The following MSRA variants were observed in gnomAD, a reference collection of about 807,000 sequenced individuals.
MSRA encodes methionine sulfoxide reductase A, also known as mitochondrial peptide methionine sulfoxide reductase.
MSRA carries 54 observed loss-of-function variants against 31.3 expected under a neutral mutation model. The observed-to-expected ratio is 1.73, with a 90% CI of 1.39 to 2.17. The LOEUF is 2.17. MSRA is among the 30% of genes most tolerant of loss of function. The probability of loss-of-function intolerance (pLI) is 0.00; values close to 1 mark genes in which losing one functional copy is unlikely to be tolerated. For synonymous variants in MSRA, 169 were observed against 116.5 expected (o/e 1.45, Z -2.90); for missense variants, 507 against 300.9 (o/e 1.69, Z -5.07).
intron 5 of MSRA, among the ~76,000 whole-genome samples, chr8:10,365,754 C>T (rs1805125469): frequency 6.6e-6 from 1 of 152,216 alleles, no homozygotes; most frequent in African/African-American, 2.4e-5. Flanking sequence ...TTGTCTTTGC[C>T]TCCTCTCATC....
At chr8:10,248,585 G>C (rs1346155070) in intron 3 of MSRA, among the ~76,000 whole-genome samples, 2 of 152,208 alleles carry the variant, frequency 1.3e-5, no homozygotes, top group African/African-American at 4.8e-5. Flanking sequence ...GTGTGGATGT[G>C]AGTGTAGAAG....
intron 5 of MSRA, among the ~76,000 whole-genome samples, chr8:10,403,680 G>A (rs1463445507): frequency 1.3e-5 from 2 of 152,252 alleles, no homozygotes; most frequent in Admixed American, 6.5e-5. Context: ...TTGCACAACT[G>A]TGGGCTCTAC....
At chr8:10,129,241 A>C (rs1344570319) in intron 1 of MSRA, among the ~76,000 whole-genome samples, 1 of 152,122 alleles carries the variant, frequency 6.6e-6, no homozygotes, top group African/African-American at 2.4e-5. Flanking sequence ...GGTATTCTGC[A>C]TGACTATCAT....
intron 5 of MSRA, among the ~76,000 whole-genome samples, chr8:10,381,780 C>A (rs1233538749): frequency 6.6e-6 from 1 of 152,180 alleles, no homozygotes; most frequent in African/African-American, 2.4e-5. Context: ...GCTGATGAGA[C>A]CTTTGCTTCC....
At chr8:10,226,208 A>C (rs1478547790) in intron 2 of MSRA, among the ~76,000 whole-genome samples, 3 of 152,200 alleles carry the variant, frequency 2.0e-5, no homozygotes, top group Non-Finnish European at 4.4e-5. Context: ...AGTATCTCAA[A>C]CCAGCTGTCT....
At chr8:10,070,486 A>G (rs1385766519) in intron 1 of MSRA, among the ~76,000 whole-genome samples, 1 of 152,140 alleles carries the variant, frequency 6.6e-6, no homozygotes. Flanking sequence ...AAACTGTTGT[A>G]CTCTGTGGAT....
intron 4 of MSRA, among the ~76,000 whole-genome samples, chr8:10,318,757 G>C (rs1438900198): frequency 3.9e-5 from 6 of 152,150 alleles, no homozygotes; most frequent in Non-Finnish European, 8.8e-5. Context: ...AGTCTGTTGA[G>C]TTTCCAGTCA....
chr8:10,240,851 C>G (rs1812351872), intron 2 of MSRA, among the ~76,000 whole-genome samples: 1 of 152,120 alleles, frequency 6.6e-6, no homozygotes, highest in Non-Finnish European at 1.5e-5. Flanking sequence ...CCCCATCCCC[C>G]AAATCGGCCT....
At chr8:10,128,354 G>C (rs1801650206) in intron 1 of MSRA, among the ~76,000 whole-genome samples, 1 of 151,968 alleles carries the variant, frequency 6.6e-6, no homozygotes, top group Admixed American at 6.6e-5. Context: ...ACTCCAGCCT[G>C]GGCGACAAAA....
chr8:10,135,618 T>G (rs1403588384), intron 1 of MSRA, among the ~76,000 whole-genome samples: 1 of 152,208 alleles, frequency 6.6e-6, no homozygotes, highest in African/African-American at 2.4e-5. Context: ...GCATATAACA[T>G]GCACACCAGC....
intron 2 of MSRA, among the ~76,000 whole-genome samples, chr8:10,229,345 A>G (rs1263667468): frequency 6.6e-6 from 1 of 152,234 alleles, no homozygotes; most frequent in Non-Finnish European, 1.5e-5. Context: ...GGTGATAACC[A>G]AAGAGTTTTA....
intron 4 of MSRA, among the ~76,000 whole-genome samples, chr8:10,317,646 T>G (rs533876983): frequency 1.3e-5 from 2 of 152,220 alleles, no homozygotes; most frequent in Non-Finnish European, 2.9e-5. Context: ...CACAAGGTGT[T>G]GTTTCTGAGC....
intron 5 of MSRA, among the ~76,000 whole-genome samples, chr8:10,345,609 T>C (rs578145670): frequency 2.2e-4 from 34 of 152,338 alleles, no homozygotes; most frequent in African/African-American, 7.7e-4. Context: ...TTACAAATAA[T>C]AATTATGAAG....
intron 3 of MSRA, among the ~76,000 whole-genome samples, chr8:10,278,845 C>T (rs1799464938): frequency 6.6e-6 from 1 of 152,274 alleles, no homozygotes; most frequent in East Asian, 1.9e-4. Flanking sequence ...TCTACATTCC[C>T]GTCAGACTAA....
intron 3 of MSRA, among the ~76,000 whole-genome samples, chr8:10,289,162 C>T (rs1300624294): frequency 1.3e-5 from 2 of 151,964 alleles, no homozygotes; most frequent in African/African-American, 2.4e-5. Flanking sequence ...TTTACAGGTG[C>T]CCGCCACCAT....
chr8:10,421,329 G>T (rs990400658), intron 5 of MSRA, among the ~76,000 whole-genome samples: 2 of 152,164 alleles, frequency 1.3e-5, no homozygotes, highest in African/African-American at 4.8e-5. Flanking sequence ...GTCAATGGAA[G>T]GTTCACGTGA....
chr8:10,070,663 C>G (rs893531266), intron 1 of MSRA, among the ~76,000 whole-genome samples: 2 of 152,178 alleles, frequency 1.3e-5, no homozygotes, highest in Non-Finnish European at 2.9e-5. Flanking sequence ...TTCCTCACCC[C>G]CTGCCCATGT....
At chr8:10,235,376 A>G (rs575253346) in intron 2 of MSRA, among the ~76,000 whole-genome samples, 2 of 152,288 alleles carry the variant, frequency 1.3e-5, no homozygotes, top group East Asian at 1.9e-4. Flanking sequence ...AAAGTACTAC[A>G]TATCTATACG....
intron 1 of MSRA, among the ~76,000 whole-genome samples, chr8:10,118,993 G>C (rs923840710): frequency 6.6e-6 from 1 of 152,144 alleles, no homozygotes; most frequent in Non-Finnish European, 1.5e-5. Context: ...CGTTCATGAA[G>C]GCAGGTTCTG....
Sources: allele counts gnomAD v4.1 joint callset (sites outside exome capture counted in the v4.1 genomes callset), GRCh38; gene constraint gnomAD v4.1.1; transcripts MANE v1.5; gene names NCBI Gene and HGNC (gene_info 2026-07-23, HGNC 2026-07-21).